KIAA1217: variants seen among roughly 807,000 people sequenced by gnomAD.
KIAA1217 encodes KIAA1217.
KIAA1217 carries 88 observed loss-of-function variants against 163.9 expected under a neutral mutation model. The observed-to-expected ratio is 0.54, with a 90% CI of 0.45 to 0.64. The LOEUF (loss-of-function observed/expected upper bound fraction) is 0.64, where lower values mean the gene tolerates loss of function less well. Ranked by LOEUF, KIAA1217 falls within the 30% of genes least tolerant of loss-of-function variation. KIAA1217 has a pLI of 0.00. For missense variants in KIAA1217, 2,372 were observed against 2,475.0 expected, an observed-to-expected ratio of 0.96 and a Z score of 0.88; for synonymous variants, 903 against 923.1, an observed-to-expected ratio of 0.98 and a Z score of 0.39.
At chr10:24,475,953 A>C (rs1236526988) in intron 6 of KIAA1217, among the ~76,000 whole-genome samples, 1 of 152,088 alleles carries the variant, frequency 6.6e-6, no homozygotes, top group African/African-American at 2.4e-5. Flanking sequence ...CAATAAAGAT[A>C]ATTTGTCTCC....
intron 2 of KIAA1217, among the ~76,000 whole-genome samples, chr10:24,227,565 C>T (rs1159464752): frequency 1.3e-5 from 2 of 151,164 alleles, no homozygotes; most frequent in Admixed American, 1.3e-4. Context: ...CAGAGTCTTG[C>T]TCTGTTGCCC....
At chr10:24,103,700 A>G (rs539796123) in intron 2 of KIAA1217, among the ~76,000 whole-genome samples, 1 of 152,270 alleles carries the variant, frequency 6.6e-6, no homozygotes, top group South Asian at 2.1e-4. Context: ...ACCACCACAC[A>G]CCTATTAGAA....
At chr10:24,534,958 G>A (rs2073775395) in intron 16 of KIAA1217, among the ~76,000 whole-genome samples, 1 of 150,966 alleles carries the variant, frequency 6.6e-6, no homozygotes. Context: ...TTAGCCCTCT[G>A]GCTGGGATAG....
intron 3 of KIAA1217, 138 bp from the exon 4 acceptor site, chr10:24,432,857 A>T: frequency 1.6e-6 from 1 of 641,878 alleles, no homozygotes; most frequent in Non-Finnish European, 2.7e-6. Context: ...TGGAAATTCC[A>T]AACCTAGATC....
intron 2 of KIAA1217, among the ~76,000 whole-genome samples, chr10:24,043,341 G>T (rs967798535): frequency 6.6e-6 from 1 of 152,128 alleles, no homozygotes; most frequent in Non-Finnish European, 1.5e-5. Flanking sequence ...ATAACTGGGA[G>T]TTTTTATTTT....
At chr10:23,727,550 A>T (rs1838235275) in intron 1 of KIAA1217, among the ~76,000 whole-genome samples, 1 of 151,966 alleles carries the variant, frequency 6.6e-6, no homozygotes, top group Non-Finnish European at 1.5e-5. Context: ...ACAGAATGAG[A>T]CTCTGTCTCA....
At chr10:24,394,141 G>A (rs886828642) in intron 3 of KIAA1217, among the ~76,000 whole-genome samples, 2 of 152,046 alleles carry the variant, frequency 1.3e-5, no homozygotes, top group African/African-American at 4.8e-5. Flanking sequence ...TTTCTTTTCG[G>A]CGATTCTCAA....
intron 1 of KIAA1217, among the ~76,000 whole-genome samples, chr10:23,980,188 C>T (rs540144722): frequency 2.6e-5 from 4 of 152,266 alleles, no homozygotes; most frequent in African/African-American, 9.6e-5. Flanking sequence ...TGTCTAATGA[C>T]CTTGCCTGTC....
intron 2 of KIAA1217, among the ~76,000 whole-genome samples, chr10:24,134,866 C>T (rs1392581865): frequency 6.6e-6 from 1 of 152,094 alleles, no homozygotes; most frequent in Non-Finnish European, 1.5e-5. Flanking sequence ...TGTGAGCTAC[C>T]ACGCCCAGCT....
At chr10:24,522,229 C>T (rs2071401328) in intron 12 of KIAA1217, among the ~76,000 whole-genome samples, 1 of 152,058 alleles carries the variant, frequency 6.6e-6, no homozygotes, top group East Asian at 1.9e-4. Flanking sequence ...GAGGTACAGG[C>T]AGAAGGATCC....
At chr10:24,003,103 C>T (rs1846825929) in intron 1 of KIAA1217, among the ~76,000 whole-genome samples, 1 of 152,182 alleles carries the variant, frequency 6.6e-6, no homozygotes, top group Non-Finnish European at 1.5e-5. Flanking sequence ...AATTGTGCTG[C>T]TATAAACATG....
At chr10:23,789,649 A>AT (rs759887938) in intron 1 of KIAA1217, among the ~76,000 whole-genome samples, 12 of 152,066 alleles carry the variant, frequency 7.9e-5, no homozygotes, top group Non-Finnish European at 1.3e-4. Flanking sequence ...ATGACTGGTA[A>AT]TGTAGAGCTT....
Position 24,483,161 on chromosome 10 carries a change from C to A in KIAA1217, c.1679+9101C>A, listed in dbSNP as rs536410079. 9.3e-4 allele frequency: 142 copies of A among 152,302 alleles called. 1 individual carries two copies. The highest frequency in any genetic ancestry group is 3.3e-3 in the African/African-American group (139 of 41,562). 9.4% of individuals were successfully genotyped at this position (152,302 alleles called of 1,614,324 possible). On this transcript the variant is annotated intron_variant, in intron 6 of 20. Transcript: ENST00000376454. ...TGGGTCCTAATAGCTGACTTTACAGCAGGAGAAACAGCAAGGAGACTTCCT... is the reference window on the plus strand; with the variant it reads ...TGGGTCCTAATAGCTGACTTTACAGAAGGAGAAACAGCAAGGAGACTTCCT...
intron 1 of KIAA1217, among the ~76,000 whole-genome samples, chr10:23,754,071 C>T (rs1386443788): frequency 6.6e-6 from 1 of 152,202 alleles, no homozygotes; most frequent in African/African-American, 2.4e-5. Flanking sequence ...TAATGACTGA[C>T]CTTTCTGGGT....
At chr10:24,494,183 TGAAA>T (rs1417837043) in intron 6 of KIAA1217, among the ~76,000 whole-genome samples, 1 of 152,152 alleles carries the variant, frequency 6.6e-6, no homozygotes, top group Non-Finnish European at 1.5e-5. Flanking sequence ...TTGTGCAAGG[TGAAA>T]GAAAGAAAGC....
intron 2 of KIAA1217, among the ~76,000 whole-genome samples, chr10:24,112,094 C>T (rs966609485): frequency 3.9e-5 from 6 of 152,166 alleles, no homozygotes; most frequent in African/African-American, 1.4e-4. Context: ...AGCCACTGCA[C>T]CCCATCAAGA....
chr10:24,282,823 CTTTTTTTTT>C (rs34486953), intron 2 of KIAA1217, among the ~76,000 whole-genome samples: 1 of 46,238 alleles, frequency 2.2e-5, no homozygotes, highest in Non-Finnish European at 3.8e-5. Flanking sequence ...GGTGTTGCTT[CTTTTTTTTT>C]TTTTTTTTTT....
chr10:24,211,798 C>T (rs940413086), intron 1 of KIAA1217, among the ~76,000 whole-genome samples: 28 of 151,622 alleles, frequency 1.8e-4, no homozygotes, highest in African/African-American at 5.1e-4. Context: ...GATTAGCAGG[C>T]GGTGATAAGC....
intron 1 of KIAA1217, among the ~76,000 whole-genome samples, chr10:24,005,323 C>T (rs928383414): frequency 6.6e-6 from 1 of 152,172 alleles, no homozygotes; most frequent in Non-Finnish European, 1.5e-5. Context: ...TTTTCAATTA[C>T]CTCCCCTAAT....
Sources: gnomAD v4.1 joint callset for allele counts (sites outside exome capture counted in the v4.1 genomes callset) on GRCh38, gnomAD v4.1.1 for gene constraint, MANE v1.5 for transcripts, NCBI Gene and HGNC (gene_info 2026-07-23, HGNC 2026-07-21) for gene names.